The following CDCA2 variants were observed in gnomAD, a reference collection of about 807,000 sequenced individuals.
The protein encoded by CDCA2 is cell division cycle associated 2.
Under a neutral mutation model 67.0 loss-of-function variants are expected in CDCA2, and 44 were observed. That is an observed-to-expected ratio of 0.66 (90% confidence interval 0.52 to 0.84). The LOEUF (loss-of-function observed/expected upper bound fraction) is 0.84, where lower values mean the gene tolerates loss of function less well. Among genes scored for constraint, CDCA2 ranks in the 40% least tolerant of loss-of-function variants. CDCA2 has a pLI of 0.00. For synonymous variants in CDCA2, 447 were observed against 418.7 expected, an observed-to-expected ratio of 1.07 and a Z score of -0.82; for missense variants, 1,253 against 1,203.2, an observed-to-expected ratio of 1.04 and a Z score of -0.61.
intron 7 of CDCA2, among the ~76,000 whole-genome samples, chr8:25,477,889 C>G (rs1037858854): frequency 6.6e-6 from 1 of 151,776 alleles, no homozygotes; most frequent in Non-Finnish European, 1.5e-5. Context: ...TGCTGTATCT[C>G]AAATATTGGA....
intron 7 of CDCA2, among the ~76,000 whole-genome samples, chr8:25,475,012 T>TGACC (rs1266178275): frequency 6.6e-6 from 1 of 152,206 alleles, no homozygotes; most frequent in African/African-American, 2.4e-5. Flanking sequence ...GAAGACTTAG[T>TGACC]GACAGCACAA....
rs771045688 is a variant in CDCA2 at position 25,507,278 on chromosome 8, A to G, written c.2612A>G (p.Lys871Arg). Residue 871 changes from lysine (K) to arginine (R), a missense_variant, in exon 15 of 15, where the codon AAA (lysine) becomes AGA (arginine). By Grantham distance (26) the Lys-to-Arg change is conservative. Transcript: ENST00000330560. ...AGTTTAGAAAATTCTGAACTGTTTAAAGATTTGTCTGATGCCATTGAGCAA... is the reference window on the plus strand; with the variant it reads ...AGTTTAGAAAATTCTGAACTGTTTAGAGATTTGTCTGATGCCATTGAGCAA... The part of the protein sequence containing the change: ...EISLENSELF[K>R]DLSDAIEQTF... 7 of 1,614,072 alleles carry G rather than the reference A, an allele frequency of 4.3e-6. No individual in the cohort carries two copies. Among genetic ancestry groups the G allele is most frequent in the African/African-American group, 1.3e-5 (1 of 74,946 alleles).
chr8:25,479,959 C>T lies in CDCA2; in HGVS notation c.867C>T (p.Ala289=), dbSNP rs776748910. 2.1e-5 allele frequency: 34 copies of T among 1,613,994 alleles called. No homozygotes were observed. The highest frequency in any genetic ancestry group is 2.6e-5 in the Non-Finnish European group (31 of 1,180,040). Residue 289 remains alanine (A), a synonymous_variant, in exon 8 of 15, where the codon GCC becomes GCT. Coordinates refer to ENST00000330560, the MANE Select transcript of CDCA2 (RefSeq NM_152562.4). ...DCVVGKGSSD[A]VSPDTFTAEV... is the part of the protein sequence containing the mutation. ...TAGTGGGCAAAGGATCAAGTGATGC[C>T]GTTTCGCCTGACACGTTCACAGCAG...
At chr8:25,462,396 G>A (rs758108054) in intron 4 of CDCA2, among the ~76,000 whole-genome samples, 188 bp downstream of exon 4, 1 of 152,174 alleles carries the variant, frequency 6.6e-6, no homozygotes, top group African/African-American at 2.4e-5. Context: ...GGAGGCTGAG[G>A]CAGGCAGATC....
chr8:25,494,277 T>A lies in CDCA2; in HGVS notation c.1671+5588T>A, dbSNP rs114857266. 4.9e-3 allele frequency among the ~76,000 whole-genome samples: 738 copies of A among 151,544 alleles called. 4 individuals are homozygous for A. The highest frequency in any genetic ancestry group is 0.017 in the African/African-American group (697 of 41,308). ...TAGTGCGAGACCAGCCTGGTCAACA[T>A]AGCACAACCCCATCTGTATTTTCTT... On this transcript the variant is annotated intron_variant, in intron 13 of 14. Transcript: ENST00000330560.
chr8:25,483,792 T>C (rs1047923949), intron 9 of CDCA2, among the ~76,000 whole-genome samples, 174 bp from the exon 10 acceptor site: 1 of 152,238 alleles, frequency 6.6e-6, no homozygotes, highest in African/African-American at 2.4e-5. Flanking sequence ...GGAAATGTGC[T>C]TATCTTCTCC....
chr8:25,495,760 A>G (rs1804197809), intron 13 of CDCA2, among the ~76,000 whole-genome samples: 1 of 152,204 alleles, frequency 6.6e-6, no homozygotes, highest in East Asian at 1.9e-4. Context: ...ATAACTGCAA[A>G]GAAATTATAA....
chr8:25,484,593 T>C (rs1334831450), intron 10 of CDCA2, among the ~76,000 whole-genome samples: 1 of 149,810 alleles, frequency 6.7e-6, no homozygotes, highest in Non-Finnish European at 1.5e-5. Flanking sequence ...TAGATGATTT[T>C]TTTTTTTTTT....
chr8:25,477,096 ATTCT>A (rs1354530768), intron 7 of CDCA2, among the ~76,000 whole-genome samples: 1 of 152,074 alleles, frequency 6.6e-6, no homozygotes, highest in African/African-American at 2.4e-5. Flanking sequence ...CTTGCCTCCC[ATTCT>A]TTCTTGATCC....
rs747766762 is a variant in CDCA2 at position 25,469,966 on chromosome 8, C to T, written c.806C>T (p.Thr269Ile). 8 of 1,607,242 alleles carry T rather than the reference C, an allele frequency of 5.0e-6. No homozygotes were observed. In the South Asian group the frequency reaches 6.6e-5, roughly 13 times the overall value. ...VEESLPLSELTETSNALKVAD... is the reference protein window; with the variant it reads ...VEESLPLSELIETSNALKVAD... ...GAGTCTCTTCCCCTTTCAGAGCTCACAGAGACTTCAAATGGTAAGTAATCT... is the reference window on the plus strand; with the variant it reads ...GAGTCTCTTCCCCTTTCAGAGCTCATAGAGACTTCAAATGGTAAGTAATCT... Residue 269 changes from threonine (T) to isoleucine (I), a missense_variant, in exon 7 of 15, where the codon ACA (threonine) becomes ATA (isoleucine). Physicochemically the swap from Thr to Ile is moderately conservative, Grantham distance 89. Coordinates refer to ENST00000330560, the MANE Select transcript of CDCA2 (RefSeq NM_152562.4).
chr8:25,504,233 T>C (rs1563286652), intron 14 of CDCA2, among the ~76,000 whole-genome samples: 1 of 152,116 alleles, frequency 6.6e-6, no homozygotes, highest in Non-Finnish European at 1.5e-5. Flanking sequence ...GAATTGTTTC[T>C]GGTTTCTAAT....
At chr8:25,483,564 T>C (rs934628044) in intron 9 of CDCA2, 78 bp downstream of exon 9, 2 of 1,006,808 alleles carry the variant, frequency 2.0e-6, no homozygotes, top group Middle Eastern at 2.4e-4. Context: ...ATATGAAATT[T>C]TCAATGATCT....
Position 25,506,685 on chromosome 8 carries a change from T to G in CDCA2, c.2019T>G (p.Thr673=), listed in dbSNP as rs776002983. ...GTTCCTCATCGCTTGGCAATGCTAC[T>G]TCTGATGAAGATCCAAATACAAATA... ...IKSSSSLGNA[T]SDEDPNTNIM... The change falls in exon 15 of 15, where the codon ACT becomes ACG. Residue 673 remains threonine, a synonymous_variant. Coordinates refer to ENST00000330560, the MANE Select transcript of CDCA2 (RefSeq NM_152562.4). The G allele has an allele frequency of 6.2e-7, 1 of 1,612,194 alleles. No homozygotes were observed. The highest frequency in any genetic ancestry group is 8.5e-7 in the Non-Finnish European group (1 of 1,179,550).
At chr8:25,497,097 G>A (rs1481352691) in intron 13 of CDCA2, among the ~76,000 whole-genome samples, 1 of 152,136 alleles carries the variant, frequency 6.6e-6, no homozygotes, top group Non-Finnish European at 1.5e-5. Context: ...AGTCCCAAGT[G>A]CTTTTTTTCC....
At position 25,484,100 on chromosome 8, in the gene CDCA2, A is replaced by G. The variant is rs745482961; in HGVS notation, c.1255A>G (p.Thr419Ala). 1 of 1,614,084 alleles carries G rather than the reference A, an allele frequency of 6.2e-7. No individual in the cohort carries two copies. The highest frequency in any genetic ancestry group is 1.7e-5 in the Admixed American group (1 of 60,000). The change falls in exon 10 of 15, where the codon ACA becomes GCA. Residue 419 changes from threonine (T) to alanine (A), a missense_variant. Physicochemically the swap from Thr to Ala is moderately conservative, Grantham distance 58. Coordinates refer to ENST00000330560, the MANE Select transcript of CDCA2 (RefSeq NM_152562.4). ...PANTPLRKGG[T>A]PVCKKDFSGL... ...AAATACTCCATTGCGTAAAGGAGGAACACCTGTTTGTAAAAAAGACTTCAG... is the reference window on the plus strand; with the variant it reads ...AAATACTCCATTGCGTAAAGGAGGAGCACCTGTTTGTAAAAAAGACTTCAG...
intron 13 of CDCA2, among the ~76,000 whole-genome samples, chr8:25,490,985 G>T (rs539125039): frequency 1.3e-5 from 2 of 152,218 alleles, no homozygotes; most frequent in South Asian, 2.1e-4. Flanking sequence ...ACTGACTTCA[G>T]AGAAATAGGT....
intron 7 of CDCA2, among the ~76,000 whole-genome samples, chr8:25,470,219 C>T (rs1373364854): frequency 1.3e-5 from 2 of 152,154 alleles, no homozygotes; most frequent in Non-Finnish European, 2.9e-5. Context: ...AAAGAGGTAG[C>T]ACCTATGAAC....
Position 25,469,200 on chromosome 8 carries a change from A to G in CDCA2, c.736-696A>G, listed in dbSNP as rs1254023338. 2.0e-5 allele frequency among the ~76,000 whole-genome samples: 3 copies of G among 152,262 alleles called. No homozygotes were observed. In the East Asian group the frequency reaches 5.8e-4, roughly 29 times the overall value. Reference sequence around the variant, plus strand: ...GAACCCTTTCTGCACTTTCTCTGTCACTTAGATCCAGTGCTCGTCCTATTC... The same window carrying G: ...GAACCCTTTCTGCACTTTCTCTGTCGCTTAGATCCAGTGCTCGTCCTATTC... On this transcript the variant is annotated intron_variant, in intron 6 of 14. Transcript: ENST00000330560.
At chr8:25,462,926 A>G (rs1236501195) in intron 4 of CDCA2, among the ~76,000 whole-genome samples, 4 of 152,142 alleles carry the variant, frequency 2.6e-5, no homozygotes, top group Admixed American at 6.6e-5. Flanking sequence ...AGCAATCCCT[A>G]TCAAAGTGCT....
Sources: gnomAD v4.1 joint callset for allele counts (sites outside exome capture counted in the v4.1 genomes callset) on GRCh38, gnomAD v4.1.1 for gene constraint, MANE v1.5 for transcripts, NCBI Gene and HGNC (gene_info 2026-07-23, HGNC 2026-07-21) for gene names.